Variants in STARD10 observed in about 807,000 individuals in gnomAD.
STARD10 encodes START domain-containing protein 10.
In STARD10, 24 loss-of-function variants were observed where a neutral mutation model predicts 36.0. The ratio of observed to expected loss-of-function variants is 0.67; its 90% confidence interval spans 0.48 to 0.94. STARD10 has a LOEUF of 0.94. STARD10 is among the 40% of genes least tolerant of loss of function. STARD10 has a pLI of 0.00. For synonymous variants in STARD10, 156 were observed against 161.9 expected (o/e 0.96, Z 0.28); for missense variants, 335 against 396.6 (o/e 0.84, Z 1.32).
At chr11:72,790,661 G>T (rs775365224) in intron 1 of STARD10, among the ~76,000 whole-genome samples, 1 of 152,242 alleles carries the variant, frequency 6.6e-6, no homozygotes, top group Admixed American at 6.5e-5. Context: ...GCCAGAAAGA[G>T]CCCAGGATCT....
Position 72,754,925 on chromosome 11 carries a change from C to T in STARD10, c.848G>A (p.Gly283Asp). The change falls in exon 7 of 7, where the codon GGC becomes GAC. Residue 283 changes from glycine to aspartate, a missense_variant. Transcript: ENST00000334805. ...GGTGAGCGAGGTGTCGTCGTCGCTG[C>T]CCTCGCCGCCCGCGCCGCCCATCCG... ...EERMGGAGGEGSDDDTSLT is the reference protein window; with the variant it reads ...EERMGGAGGEDSDDDTSLT The T allele has an allele frequency of 6.2e-7, 1 of 1,600,886 alleles. No individual in the cohort carries two copies. The highest frequency in any genetic ancestry group is 8.5e-7 in the Non-Finnish European group (1 of 1,178,220).
rs1437643760 is a variant in STARD10 at position 72,754,936 on chromosome 11, C to G, written c.837G>C (p.Ala279=). ...TGTCGTCGTCGCTGCCCTCGCCGCCCGCGCCGCCCATCCGCTCCTCTCTGC... is the reference window on the plus strand; with the variant it reads ...TGTCGTCGTCGCTGCCCTCGCCGCCGGCGCCGCCCATCCGCTCCTCTCTGC... ...AESREERMGG[A]GGEGSDDDTS... The change falls in exon 7 of 7, where the codon GCG becomes GCC. Residue 279 remains alanine (A), a synonymous_variant. Coordinates refer to ENST00000334805, the MANE Select transcript of STARD10 (RefSeq NM_006645.3). 1 of 1,602,640 alleles carries G rather than the reference C, an allele frequency of 6.2e-7. No individual in the cohort carries two copies. Among genetic ancestry groups the G allele is most frequent in the Non-Finnish European group, 8.5e-7 (1 of 1,178,154 alleles).
At chr11:72,763,739 T>C (rs1298710433) in intron 2 of STARD10, among the ~76,000 whole-genome samples, 2 of 151,614 alleles carry the variant, frequency 1.3e-5, no homozygotes, top group Admixed American at 1.3e-4. Flanking sequence ...AGAAAGGGGG[T>C]TGAAGAAGAC....
chr11:72,764,772 A>G (rs542928615), intron 2 of STARD10, among the ~76,000 whole-genome samples: 2 of 152,306 alleles, frequency 1.3e-5, no homozygotes, highest in African/African-American at 4.8e-5. Context: ...ACCCCCAGCT[A>G]TTAGGCCCTG....
chr11:72,757,543 A>G (rs1465236629), intron 5 of STARD10, among the ~76,000 whole-genome samples: 1 of 152,218 alleles, frequency 6.6e-6, no homozygotes, highest in Non-Finnish European at 1.5e-5. Context: ...AGCCCAGGAA[A>G]AGTGCTCCCA....
intron 2 of STARD10, among the ~76,000 whole-genome samples, chr11:72,764,198 C>T (rs1304471675): frequency 6.6e-6 from 1 of 152,202 alleles, no homozygotes; most frequent in Non-Finnish European, 1.5e-5. Context: ...GCTCAGTGCT[C>T]CCAGGGCCCA....
chr11:72,755,602 C>T lies in STARD10; in HGVS notation c.630+99G>A, dbSNP rs769483010. On this transcript the variant is annotated intron_variant, in intron 6 of 6. Transcript: ENST00000334805. ...CTGGGATTACAGGCATGAGCCACCA[C>T]GCCTGGCCCTCAGGCTCCAGGCTTG... 70 of 1,380,420 alleles carry T rather than the reference C, an allele frequency of 5.1e-5. 1 individual carries two copies. Among genetic ancestry groups the T allele is most frequent in the Admixed American group, 4.1e-4 (24 of 59,232 alleles). The allele number at this position is 1,380,420 out of a possible 1,614,324, so 85.5% of individuals were successfully genotyped here. A position where few individuals can be genotyped will look rare whatever the true frequency, so the allele number is the denominator to read the frequency against.
At chr11:72,755,293 T>G in intron 6 of STARD10, 151 bp from the exon 7 acceptor site, 5 of 637,832 alleles carry the variant, frequency 7.8e-6, no homozygotes, top group Non-Finnish European at 1.3e-5. Context: ...GGCCCTAGGC[T>G]CCATTCTCCA....
chr11:72,758,329 G>A (rs1020136473), intron 4 of STARD10, among the ~76,000 whole-genome samples: 1 of 152,212 alleles, frequency 6.6e-6, no homozygotes, highest in Admixed American at 6.5e-5. Flanking sequence ...TGCCACAGAG[G>A]TGGCCACACT....
chr11:72,783,537 T>C (rs1859031398), intron 1 of STARD10: 1 of 152,832 alleles, frequency 6.5e-6, no homozygotes, highest in Non-Finnish European at 1.5e-5. Context: ...GCAGTTTTAC[T>C]TGATACCCAC....
intron 1 of STARD10, chr11:72,786,061 G>A (rs1053308545): frequency 1.3e-5 from 2 of 152,572 alleles, no homozygotes; most frequent in Non-Finnish European, 2.9e-5. Context: ...AGACCCTCAG[G>A]GTGCAGCAGG....
rs1384004525 is a variant in STARD10, at chr11:72,781,263, G to T, written c.-82C>A. On this transcript the variant is annotated 5_prime_UTR_variant, in exon 2 of 7. Coordinates refer to ENST00000334805, the MANE Select transcript of STARD10 (RefSeq NM_006645.3). This position sits in a 1 kb window ranked among gnomAD's most constrained non-coding sequence, Gnocchi z 4.7. ...GCGGAGGCTCCGACAACGTCGACGCGGCTGCAGATGCTGACGCCACCTTCC... is the reference window on the plus strand; with the variant it reads ...GCGGAGGCTCCGACAACGTCGACGCTGCTGCAGATGCTGACGCCACCTTCC... The T allele has an allele frequency of 3.2e-6, 4 of 1,246,874 alleles. No homozygotes were observed. The highest frequency in any genetic ancestry group is 4.9e-5 in the East Asian group (2 of 41,226). 77.2% of individuals were successfully genotyped at this position (1,246,874 alleles called of 1,614,324 possible). A position where few individuals can be genotyped will look rare whatever the true frequency, so the allele number is the denominator to read the frequency against.
chr11:72,793,634 G>GT lies in STARD10; in HGVS notation c.-874dup, dbSNP rs1859177355. On this transcript the variant is annotated 5_prime_UTR_variant, in exon 1 of 7. Coordinates refer to ENST00000334805, the MANE Select transcript of STARD10 (RefSeq NM_006645.3). Reference sequence around the variant, plus strand: ...AGGACCACAGAACGATGACTGGACCGTTAGGTTACTATTTATTACGGTTAT... The same window carrying GT: ...AGGACCACAGAACGATGACTGGACCGTTTAGGTTACTATTTATTACGGTTAT... The GT allele has an allele frequency of 6.6e-6, 1 of 152,278 alleles. No individual in the cohort carries two copies. The highest frequency in any genetic ancestry group is 2.4e-5 in the African/African-American group (1 of 41,474). The allele number at this position is 152,278 out of a possible 1,614,324, so 9.4% of individuals were successfully genotyped here. A position where few individuals can be genotyped will look rare whatever the true frequency, so the allele number is the denominator to read the frequency against.
chr11:72,792,252 C>T (rs895604997), intron 1 of STARD10, among the ~76,000 whole-genome samples: 7 of 151,668 alleles, frequency 4.6e-5, no homozygotes, highest in African/African-American at 1.7e-4. Context: ...GATGGAGTTT[C>T]TCCACTTTGG....
chr11:72,782,336 C>G (rs1489808504), intron 1 of STARD10: 1 of 151,898 alleles, frequency 6.6e-6, no homozygotes, highest in Non-Finnish European at 1.5e-5. Context: ...GCTAGAGGCA[C>G]ACCAAGCCTA....
At chr11:72,770,815 G>A (rs1484840325) in intron 2 of STARD10, among the ~76,000 whole-genome samples, 3 of 152,204 alleles carry the variant, frequency 2.0e-5, no homozygotes, top group African/African-American at 7.2e-5. Flanking sequence ...GAGGGGGAAG[G>A]GGCTCCCGGC....
At chr11:72,780,012 T>C (rs1380280680) in intron 2 of STARD10, 3 of 294,580 alleles carry the variant, frequency 1.0e-5, no homozygotes, top group Non-Finnish European at 2.1e-5. Flanking sequence ...TCCAGGAGGA[T>C]AGCAGAAGGG....
intron 3 of STARD10, 172 bp downstream of exon 3, chr11:72,759,062 G>A (rs905105701): frequency 8.8e-6 from 6 of 681,482 alleles, no homozygotes; most frequent in Admixed American, 2.6e-5. Flanking sequence ...GTATGGGTGT[G>A]TGCCTAAGGG....
chr11:72,777,884 A>AG (rs1325711383), intron 2 of STARD10, among the ~76,000 whole-genome samples: 1 of 152,148 alleles, frequency 6.6e-6, no homozygotes, highest in Admixed American at 6.5e-5. Flanking sequence ...GGGCATGTCC[A>AG]GGGGTCAGCT....
Sources: gnomAD v4.1 joint callset for allele counts (sites outside exome capture counted in the v4.1 genomes callset) on GRCh38, gnomAD v4.1.1 for gene constraint, Gnocchi (gnomAD v3.1) non-coding constraint, MANE v1.5 for transcripts, NCBI Gene and HGNC (gene_info 2026-07-23, HGNC 2026-07-21) for gene names.